Variants in VARS2 observed in about 807,000 individuals in gnomAD.
VARS2 encodes the protein valine--tRNA ligase, mitochondrial.
In VARS2, 105 loss-of-function variants were observed where a neutral mutation model predicts 154.1. The ratio of observed to expected loss-of-function variants is 0.68; its 90% CI spans 0.58 to 0.80. The LOEUF (loss-of-function observed/expected upper bound fraction) is 0.80. Among genes scored for constraint, VARS2 ranks in the 30% least tolerant of loss-of-function variants. The pLI is 0.00. For synonymous variants in VARS2, 483 were observed against 539.5 expected (o/e 0.90, Z 1.45); for missense variants, 1,157 against 1,361.4 (o/e 0.85, Z 2.36).
chr6:30,920,841 C>A lies in VARS2; in HGVS notation c.1479+92C>A. On this transcript the variant is annotated intron_variant, in intron 15 of 29. Coordinates refer to ENST00000676266, the MANE Select transcript of VARS2 (RefSeq NM_020442.6). This position sits in a 1 kb window ranked among gnomAD's most constrained non-coding sequence, Gnocchi z 4.6. Reference sequence around the variant, plus strand: ...GAAATGGGAAGCAGGAGACCTCCTGCCCTGAAGACCTCTCCAGCTGTGGTA... The same window carrying A: ...GAAATGGGAAGCAGGAGACCTCCTGACCTGAAGACCTCTCCAGCTGTGGTA... The A allele has an allele frequency of 8.3e-7, 1 of 1,200,660 alleles. No homozygotes were observed. The highest frequency in any genetic ancestry group is 1.2e-6 in the Non-Finnish European group (1 of 868,770). 74.4% of individuals were successfully genotyped at this position (1,200,660 alleles called of 1,614,324 possible). A position where few individuals can be genotyped will look rare whatever the true frequency, so the allele number is the denominator to read the frequency against.
At position 30,922,975 on chromosome 6, in the gene VARS2, G is replaced by C; in HGVS notation, c.2184G>C (p.Gln728His). 1 of 1,608,896 alleles carries C rather than the reference G, an allele frequency of 6.2e-7. No homozygotes were observed. The highest frequency in any genetic ancestry group is 8.5e-7 in the Non-Finnish European group (1 of 1,177,024). ...TCACACTCTGCTCCCATGGAGTTCA[G>C]GGTAAGCCTGGGCGAGGGGTGTCGG... ...LRFTLCSHGVQAGDLHLSVSE... is the reference protein window; with the variant it reads ...LRFTLCSHGVHAGDLHLSVSE... Residue 728 changes from glutamine to histidine, a missense_variant and splice_region_variant, in exon 23 of 30, where the codon CAG becomes CAC. Coordinates refer to ENST00000676266, the MANE Select transcript of VARS2 (RefSeq NM_020442.6).
rs1348345845 is a variant in VARS2 at position 30,924,393 on chromosome 6, C to G, written c.2506C>G (p.Leu836Val). ...KPVLWHSPRP[L>V]GPPQVLFSCA... ...CGTGCTGTGGCACTCGCCCCGCCCC[C>G]TGGGGCCCCCTCAGGTCCTGTTCTC... Residue 836 changes from leucine to valine, a missense_variant, in exon 26 of 30, where the codon CTG (leucine) becomes GTG (valine). Leu to Val is a conservative substitution (Grantham distance 32, BLOSUM62 1). Coordinates refer to ENST00000676266, the MANE Select transcript of VARS2 (RefSeq NM_020442.6). 1 of 1,612,730 alleles carries G rather than the reference C, an allele frequency of 6.2e-7. No homozygotes were observed.
In VARS2 at chr6:30,923,584, GGA is replaced by G. The variant is rs556684398; in HGVS notation, c.2466+81_2466+82del. 223 of 1,546,394 alleles carry G rather than the reference GGA, an allele frequency of 1.4e-4. 1 individual carries two copies. In the African/African-American group the frequency reaches 2.8e-3, roughly 20 times the overall value. On this transcript the variant is annotated intron_variant, in intron 25 of 29. Coordinates refer to ENST00000676266, the MANE Select transcript of VARS2 (RefSeq NM_020442.6). ...GGAAATTTCCAAGGCAGAGAGCTCT[GGA>G]GTTAATAAGTTCCCAATTGTCCCCT... is the stretch of plus-strand genomic sequence containing the variant.
In VARS2 at chr6:30,920,709, G is replaced by A. The variant is rs1421000597; in HGVS notation, c.1439G>A (p.Trp480Ter). The A allele has an allele frequency of 6.2e-7, 1 of 1,602,258 alleles. No individual in the cohort carries two copies. Among genetic ancestry groups the A allele is most frequent in the Non-Finnish European group, 8.5e-7 (1 of 1,174,984 alleles). ...DVIEYLLKNQWFVRCQEMGAR... is the reference protein window; with the variant it reads ...DVIEYLLKNQ ...ATAGAATACCTGCTGAAGAACCAGTGGTTTGTCCGCTGCCAGGAAATGGGG... is the reference window on the plus strand; with the variant it reads ...ATAGAATACCTGCTGAAGAACCAGTAGTTTGTCCGCTGCCAGGAAATGGGG... Residue 480 changes from tryptophan (W) to a stop codon, truncating the protein, a stop_gained, in exon 15 of 30, where the codon TGG (tryptophan) becomes TAG (stop). Transcript: ENST00000676266. LOFTEE classifies it high-confidence loss of function. This position sits in a 1 kb window ranked among gnomAD's most constrained non-coding sequence, Gnocchi z 4.6.
In VARS2 at chr6:30,917,883, G is replaced by A; in HGVS notation, c.985+77G>A. On this transcript the variant is annotated intron_variant, in intron 10 of 29. Transcript: ENST00000676266. This position sits in a 1 kb window ranked among gnomAD's most constrained non-coding sequence, Gnocchi z 4.4. ...TCTGAAGCCCATGTTGGGCTGCTAG[G>A]AACCCATCAGTCCATCTCTCACATG... is the stretch of plus-strand genomic sequence containing the variant. The A allele has an allele frequency of 1.4e-6, 2 of 1,392,052 alleles. No individual in the cohort carries two copies. Among genetic ancestry groups the A allele is most frequent in the Non-Finnish European group, 2.0e-6 (2 of 1,005,104 alleles). The allele number at this position is 1,392,052 out of a possible 1,614,324, so 86.2% of individuals were successfully genotyped here. A position where few individuals can be genotyped will look rare whatever the true frequency, so the allele number is the denominator to read the frequency against.
At position 30,914,291 on chromosome 6, in the gene VARS2, A is replaced by G. The variant is rs929178188; in HGVS notation, c.-81A>G. Reference sequence around the variant, plus strand: ...CACGTTCCAGGGTCGGGTTTGGTGGATTCCTCAGTCCCTGCCGCCGCGGGG... The same window carrying G: ...CACGTTCCAGGGTCGGGTTTGGTGGGTTCCTCAGTCCCTGCCGCCGCGGGG... On this transcript the variant is annotated 5_prime_UTR_variant, in exon 1 of 30. Transcript: ENST00000676266. 4.9e-6 allele frequency: 5 copies of G among 1,025,178 alleles called. No homozygotes were observed. Among genetic ancestry groups the G allele is most frequent in the African/African-American group, 1.7e-5 (1 of 60,360 alleles). 63.5% of individuals were successfully genotyped at this position (1,025,178 alleles called of 1,614,324 possible).
At position 30,921,667 on chromosome 6, in the gene VARS2, G is replaced by C; in HGVS notation, c.1711G>C (p.Gly571Arg). Residue 571 changes from glycine (G) to arginine (R), a missense_variant, in exon 18 of 30, where the codon GGG (glycine) becomes CGG (arginine). By Grantham distance (125) the Gly-to-Arg change is moderately radical. Transcript: ENST00000676266. The surrounding 1 kb of genome is among the most constrained non-coding windows in gnomAD (Gnocchi z 4.6). ...AGCAGCGGAACTGACAGGGAGGCCA[G>C]GGGCAGAGCTGACCCTGGAGAGGGG... ...EVAAELTGRP[G>R]AELTLERDPD... 1.2e-6 allele frequency: 2 copies of C among 1,607,652 alleles called. No homozygotes were observed. The highest frequency in any genetic ancestry group is 1.7e-6 in the Non-Finnish European group (2 of 1,178,356).
rs369444351 is a variant in VARS2 at position 30,920,423 on chromosome 6, C to T, written c.1384C>T (p.Leu462=). The T allele has an allele frequency of 6.2e-7, 1 of 1,607,034 alleles. No individual in the cohort carries two copies. The highest frequency in any genetic ancestry group is 8.5e-7 in the Non-Finnish European group (1 of 1,177,638). The change falls in exon 14 of 30, where the codon CTG becomes TTG. Residue 462 remains leucine, a synonymous_variant. Coordinates refer to ENST00000676266, the MANE Select transcript of VARS2 (RefSeq NM_020442.6). The surrounding 1 kb of genome is among the most constrained non-coding windows in gnomAD (Gnocchi z 4.6). ...GGGCCTCCAGAACCACCCCATGGTACTGCCCATCTGCAGGTAACCTCATTT... is the reference window on the plus strand; with the variant it reads ...GGGCCTCCAGAACCACCCCATGGTATTGCCCATCTGCAGGTAACCTCATTT... ...FRGLQNHPMV[L]PICSRSGDVI...
rs1276255797 is a variant in VARS2 at position 30,925,694 on chromosome 6, C to T, written c.2936C>T (p.Thr979Met). 1.1e-5 allele frequency: 17 copies of T among 1,611,006 alleles called. No homozygotes were observed. The Middle Eastern group carries it at 7.9e-4, about 75-fold the overall frequency. Residue 979 changes from threonine to methionine, a missense_variant, in exon 28 of 30, where the codon ACG becomes ATG. Thr to Met is a moderately conservative substitution (Grantham distance 81, BLOSUM62 -1). Transcript: ENST00000676266. ...TGGGCCCAGGCTCCACTCAGTGACA[C>T]GGCTCAAGTCTACATGGAGCTGCAG... Reference protein sequence around the residue: ...SGWAQAPLSDTAQVYMELQGL... With the variant: ...SGWAQAPLSDMAQVYMELQGL...
In VARS2 at chr6:30,920,529, G is replaced by A. The variant is rs1480049047; in HGVS notation, c.1397+93G>A. On this transcript the variant is annotated intron_variant, in intron 14 of 29. Transcript: ENST00000676266. This position sits in a 1 kb window ranked among gnomAD's most constrained non-coding sequence, Gnocchi z 4.6. Reference sequence around the variant, plus strand: ...AATAGGATGGGCTCTGCACCCCTCCGTTAGAATACGAGCTCCGTGTCGGTT... The same window carrying A: ...AATAGGATGGGCTCTGCACCCCTCCATTAGAATACGAGCTCCGTGTCGGTT... 2.1e-5 allele frequency: 29 copies of A among 1,374,580 alleles called. No homozygotes were observed. The highest frequency in any genetic ancestry group is 1.9e-4 in the Middle Eastern group (1 of 5,354). The allele number at this position is 1,374,580 out of a possible 1,614,324, so 85.1% of individuals were successfully genotyped here. A position where few individuals can be genotyped will look rare whatever the true frequency, so the allele number is the denominator to read the frequency against.
Position 30,921,702 on chromosome 6 carries a change from G to A in VARS2, c.1735+11G>A. 3 of 1,595,652 alleles carry A rather than the reference G, an allele frequency of 1.9e-6. No individual in the cohort carries two copies. Among genetic ancestry groups the A allele is most frequent in the Non-Finnish European group, 2.6e-6 (3 of 1,172,632 alleles). ...TGACCCTGGAGAGGGGTGAGTGCCTGAGCTGGGGAGGGATGTACAGGGGAG... is the reference window on the plus strand; with the variant it reads ...TGACCCTGGAGAGGGGTGAGTGCCTAAGCTGGGGAGGGATGTACAGGGGAG... On this transcript the variant is annotated intron_variant, in intron 18 of 29. Coordinates refer to ENST00000676266, the MANE Select transcript of VARS2 (RefSeq NM_020442.6). The surrounding 1 kb of genome is among the most constrained non-coding windows in gnomAD (Gnocchi z 4.6).
Position 30,922,441 on chromosome 6 carries a change from T to C in VARS2, c.1933-9T>C, listed in dbSNP as rs1454158675. 4 of 1,606,918 alleles carry C rather than the reference T, an allele frequency of 2.5e-6. No homozygotes were observed. The South Asian group carries it at 4.4e-5, about 18-fold the overall frequency. On this transcript the variant is annotated splice_polypyrimidine_tract_variant and intron_variant, in intron 20 of 29. Coordinates refer to ENST00000676266, the MANE Select transcript of VARS2 (RefSeq NM_020442.6). The stretch of plus-strand genomic sequence containing the variant: ...AAACCCCCCTCTGTTGACCCCTCCC[T>C]GCCCCCAGGTGCTTCTTCATCCCAT...
At position 30,922,486 on chromosome 6, in the gene VARS2, C is replaced by G. The variant is rs538662804; in HGVS notation, c.1969C>G (p.Arg657Gly). The change falls in exon 21 of 30, where the codon CGG becomes GGG. Residue 657 changes from arginine (R) to glycine (G), a missense_variant. Physicochemically the swap from Arg to Gly is moderately radical, Grantham distance 125. Coordinates refer to ENST00000676266, the MANE Select transcript of VARS2 (RefSeq NM_020442.6). ...LHPMVRDRQG[R>G]KMSKSLGNVL... ...TCCCATGGTTCGGGACAGGCAGGGC[C>G]GGAAGATGAGCAAGTCCCTGGGGAA... 2.5e-6 allele frequency: 4 copies of G among 1,598,686 alleles called. No homozygotes were observed. Among genetic ancestry groups the G allele is most frequent in the Non-Finnish European group, 3.4e-6 (4 of 1,173,294 alleles).
At chr6:30,925,741 G>A in intron 28 of VARS2, 22 bp downstream of exon 28, 1 of 1,610,944 alleles carries the variant, frequency 6.2e-7, no homozygotes, top group Non-Finnish European at 8.5e-7. Flanking sequence ...GGATGGGGAG[G>A]GTTAGGGCAG....
chr6:30,922,344 C>T, intron 20 of VARS2, 103 bp downstream of exon 20: 4 of 1,597,532 alleles, frequency 2.5e-6, no homozygotes, highest in South Asian at 1.1e-5. Context: ...GTTGCTGATT[C>T]CTTTTTCCTA....
chr6:30,921,978 CT>C lies in VARS2; in HGVS notation c.1790del (p.Leu597ArgfsTer63). Reference sequence around the variant, plus strand: ...TTCTGCCCTGTTCCCCTTTTCTGCCCTGGGCTGGCCCCAAGAGGTGAGGTGG... The same window carrying C: ...TTCTGCCCTGTTCCCCTTTTCTGCCCGGGCTGGCCCCAAGAGGTGAGGTGG... ...FSSALFPFSA[L>X]GWPQETPDLA... On this transcript the variant is annotated frameshift_variant, in exon 19 of 30. Transcript: ENST00000676266. LOFTEE classifies it high-confidence loss of function. The surrounding 1 kb of genome is among the most constrained non-coding windows in gnomAD (Gnocchi z 4.6). 6.2e-7 allele frequency: 1 copy of C among 1,613,014 alleles called. No homozygotes were observed. The highest frequency in any genetic ancestry group is 8.5e-7 in the Non-Finnish European group (1 of 1,180,002).
chr6:30,920,341 C>T lies in VARS2; in HGVS notation c.1302C>T (p.His434=). The change falls in exon 14 of 30, where the codon CAC becomes CAT. Residue 434 remains histidine (H), a synonymous_variant. Coordinates refer to ENST00000676266, the MANE Select transcript of VARS2 (RefSeq NM_020442.6). The surrounding 1 kb of genome is among the most constrained non-coding windows in gnomAD (Gnocchi z 4.6). ...SLCGDWLQGL[H]RFVAREKIMS... is the part of the protein sequence containing the mutation. ...TGCCGCTTTTTCTCCAGGGTCTTCA[C>T]CGGTTTGTGGCCCGGGAAAAGATAA... 6.2e-7 allele frequency: 1 copy of T among 1,610,302 alleles called. No homozygotes were observed. The highest frequency in any genetic ancestry group is 8.5e-7 in the Non-Finnish European group (1 of 1,178,578).
intron 26 of VARS2, 152 bp from the exon 27 acceptor site, chr6:30,925,122 T>C (rs1312559995): frequency 2.1e-6 from 1 of 486,652 alleles, no homozygotes; most frequent in Non-Finnish European, 3.6e-6. Flanking sequence ...CTTTTTGTCA[T>C]GTTCCTTGAG....
At position 30,926,241 on chromosome 6, in the gene VARS2, C is replaced by T; in HGVS notation, c.*31C>T. The T allele has an allele frequency of 5.0e-6, 8 of 1,605,342 alleles. No individual in the cohort carries two copies. Among genetic ancestry groups the T allele is most frequent in the Non-Finnish European group, 6.8e-6 (8 of 1,173,334 alleles). On this transcript the variant is annotated 3_prime_UTR_variant, in exon 30 of 30. Coordinates refer to ENST00000676266, the MANE Select transcript of VARS2 (RefSeq NM_020442.6). ...CATCCCCATCAGTTTTCCTCCCTCT[C>T]AGACCTGTCTTTGAGGACAAACAGA...
Sources: gnomAD v4.1 joint callset for allele counts on GRCh38, gnomAD v4.1.1 for gene constraint, Gnocchi (gnomAD v3.1) non-coding constraint, MANE v1.5 for transcripts, NCBI Gene and HGNC (gene_info 2026-07-23, HGNC 2026-07-21) for gene names.